PALLD: variants seen among roughly 807,000 people sequenced by gnomAD.
PALLD encodes palladin.
In PALLD, 61 loss-of-function variants were observed where a neutral mutation model predicts 123.5. The ratio of observed to expected loss-of-function variants is 0.49; its 90% CI spans 0.40 to 0.61. The LOEUF (loss-of-function observed/expected upper bound fraction) is 0.61, where lower values mean the gene tolerates loss of function less well. Ranked by LOEUF, PALLD falls within the 20% of genes least tolerant of loss-of-function variation. The pLI, the probability that PALLD is intolerant of heterozygous loss-of-function variation, is 0.00. For synonymous variants in PALLD, 465 were observed against 496.4 expected (o/e 0.94, Z 0.84); for missense variants, 1,273 against 1,377.0 (o/e 0.92, Z 1.20).
At chr4:168,527,478 G>A (rs1764182219) in intron 2 of PALLD, among the ~76,000 whole-genome samples, 1 of 141,686 alleles carries the variant, frequency 7.1e-6, no homozygotes, top group Non-Finnish European at 1.5e-5. Flanking sequence ...TTAAAACTTC[G>A]AGTAGGATAC....
chr4:168,747,262 G>A (rs77263139), intron 10 of PALLD, among the ~76,000 whole-genome samples: 4,570 of 152,302 alleles, frequency 0.03, 205 homozygotes, highest in African/African-American at 0.095. Context: ...GCATGTGGGA[G>A]AAGACAGCAT....
At chr4:168,738,386 A>T (rs1167219712) in intron 10 of PALLD, among the ~76,000 whole-genome samples, 1 of 152,084 alleles carries the variant, frequency 6.6e-6, no homozygotes, top group Non-Finnish European at 1.5e-5. Context: ...ACAATGTTCG[A>T]TAATTTTTAT....
chr4:168,569,794 T>G (rs1580359333), intron 2 of PALLD, among the ~76,000 whole-genome samples: 1 of 152,082 alleles, frequency 6.6e-6, no homozygotes, highest in South Asian at 2.1e-4. Context: ...AACTGAAACT[T>G]TGTATAAATT....
intron 10 of PALLD, among the ~76,000 whole-genome samples, chr4:168,723,707 C>T (rs938403926): frequency 1.3e-5 from 2 of 152,194 alleles, no homozygotes; most frequent in African/African-American, 2.4e-5. Context: ...GCAAAAGCAT[C>T]GTCCTGAGGA....
intron 21 of PALLD, among the ~76,000 whole-genome samples, chr4:168,925,574 C>T (rs777057427): frequency 2.2e-4 from 33 of 152,038 alleles, no homozygotes; most frequent in Non-Finnish European, 4.4e-4. Context: ...AAGCAGCCAG[C>T]AGTAGACTTG....
intron 2 of PALLD, among the ~76,000 whole-genome samples, chr4:168,620,190 C>A (rs991402607): frequency 6.6e-6 from 1 of 152,228 alleles, no homozygotes; most frequent in African/African-American, 2.4e-5. Context: ...GGCCCAGTGG[C>A]TCACGCCTGT....
At position 168,921,122 on chromosome 4, in the gene PALLD, T is replaced by C. The variant is rs902818460; in HGVS notation, c.2851-412T>C. ...ATGAGCTGATACTAAAAGCCATCTC[T>C]TGGCCCGGTGCAATGGCTCATGCTT... On this transcript the variant is annotated intron_variant, in intron 17 of 21. Coordinates refer to ENST00000505667, the MANE Select transcript of PALLD (RefSeq NM_001166108.2). Among the ~76,000 whole-genome samples, 3 of 152,240 alleles carry C rather than the reference T, an allele frequency of 2.0e-5. No individual in the cohort carries two copies. In the East Asian group the frequency reaches 5.8e-4, roughly 29 times the overall value.
At chr4:168,796,530 C>T (rs757596229) in intron 10 of PALLD, among the ~76,000 whole-genome samples, 3 of 152,162 alleles carry the variant, frequency 2.0e-5, no homozygotes, top group African/African-American at 2.4e-5. Flanking sequence ...TCTGGCTCTC[C>T]GCTGGGCCCT....
At chr4:168,677,208 A>G (rs1780946029) in intron 3 of PALLD, among the ~76,000 whole-genome samples, 1 of 151,406 alleles carries the variant, frequency 6.6e-6, no homozygotes, top group South Asian at 2.1e-4. Context: ...CAGCAGGTGC[A>G]AAGCAGATGA....
chr4:168,668,114 A>G (rs113531543), intron 2 of PALLD, 76 bp from the exon 3 acceptor site: 1 of 1,166,812 alleles, frequency 8.6e-7, no homozygotes, highest in African/African-American at 1.5e-5. Flanking sequence ...ACCAGCCTTC[A>G]CTTCTGCTTT....
chr4:168,691,358 C>A, intron 8 of PALLD, 66 bp downstream of exon 8: 1 of 1,301,180 alleles, frequency 7.7e-7, no homozygotes, highest in South Asian at 1.3e-5. Context: ...TTTTGGGTCT[C>A]AATAGTTCTT....
chr4:168,636,198 G>A (rs941938007), intron 2 of PALLD, among the ~76,000 whole-genome samples: 2 of 152,096 alleles, frequency 1.3e-5, no homozygotes, highest in Non-Finnish European at 2.9e-5. Flanking sequence ...CAGAACTTCT[G>A]CCAGACACGG....
At position 168,545,745 on chromosome 4, in the gene PALLD, T is replaced by C. The variant is rs142565152; in HGVS notation, c.908+33333T>C. Among the ~76,000 whole-genome samples the C allele has an allele frequency of 1.4e-3, 210 of 152,300 alleles. 1 individual carries two copies. The highest frequency in any genetic ancestry group is 6.8e-3 in the Middle Eastern group (2 of 294). ...AACACAATATCATTAGGAATACCAGTATTTATTTACAATGACAAAACAACT... is the reference window on the plus strand; with the variant it reads ...AACACAATATCATTAGGAATACCAGCATTTATTTACAATGACAAAACAACT... On this transcript the variant is annotated intron_variant, in intron 2 of 21. Transcript: ENST00000505667.
chr4:168,518,411 C>T (rs1184444324), intron 2 of PALLD, among the ~76,000 whole-genome samples: 2 of 152,170 alleles, frequency 1.3e-5, no homozygotes, highest in Non-Finnish European at 2.9e-5. Flanking sequence ...GGGCTTCTCA[C>T]TTAGTCCGAG....
chr4:168,878,224 G>A (rs1490897199), intron 10 of PALLD: 31 of 1,491,268 alleles, frequency 2.1e-5, no homozygotes, highest in South Asian at 3.7e-5. Context: ...TCCCACTGCC[G>A]CCGCCACCAC....
At chr4:168,804,277 A>G (rs1480844286) in intron 10 of PALLD, among the ~76,000 whole-genome samples, 1 of 152,252 alleles carries the variant, frequency 6.6e-6, no homozygotes, top group Non-Finnish European at 1.5e-5. Context: ...CCCCTGGGAT[A>G]TGGCTCCATA....
intron 10 of PALLD, among the ~76,000 whole-genome samples, chr4:168,738,906 C>G (rs1180233669): frequency 6.6e-6 from 1 of 151,948 alleles, no homozygotes; most frequent in African/African-American, 2.4e-5. Flanking sequence ...ATAAAGCTTT[C>G]TTAGAAATAA....
intron 2 of PALLD, among the ~76,000 whole-genome samples, chr4:168,657,038 G>T (rs1275204817): frequency 6.6e-6 from 1 of 152,180 alleles, no homozygotes; most frequent in African/African-American, 2.4e-5. Context: ...AAAGCTAGTT[G>T]TAAAATGTAT....
intron 2 of PALLD, among the ~76,000 whole-genome samples, chr4:168,574,579 C>G (rs1048038324): frequency 6.6e-6 from 1 of 152,120 alleles, no homozygotes; most frequent in Non-Finnish European, 1.5e-5. Context: ...AACTGCTATT[C>G]TATCTTTGAA....
Sources: allele counts gnomAD v4.1 joint callset (sites outside exome capture counted in the v4.1 genomes callset), GRCh38; gene constraint gnomAD v4.1.1; transcripts MANE v1.5; gene names NCBI Gene and HGNC (gene_info 2026-07-23, HGNC 2026-07-21).